The following ZFHX3 variants were observed in gnomAD, a reference collection of about 807,000 sequenced individuals.
The protein encoded by ZFHX3 is zinc finger homeobox 3.
Under a neutral mutation model 279.1 loss-of-function variants are expected in ZFHX3, and 42 were observed. The observed-to-expected ratio is 0.15, with a 90% CI of 0.12 to 0.19. The LOEUF (loss-of-function observed/expected upper bound fraction) is 0.19, where lower values mean the gene tolerates loss of function less well. ZFHX3 is among the 10% of genes least tolerant of loss of function. The pLI is 1.00. For synonymous variants in ZFHX3, 2,293 were observed against 1,957.8 expected (o/e 1.17, Z -4.52); for missense variants, 4,981 against 4,754.0 (o/e 1.05, Z -1.40).
intron 3 of ZFHX3, chr16:73,402,417 T>G (rs2017274514): frequency 6.6e-6 from 1 of 152,250 alleles, no homozygotes; most frequent in Admixed American, 6.5e-5. Flanking sequence ...GATACTTTTG[T>G]AAAATACATA....
At chr16:73,838,586 A>G (rs781048655) in intron 1 of ZFHX3, among the ~76,000 whole-genome samples, 8 of 152,204 alleles carry the variant, frequency 5.3e-5, no homozygotes, top group Non-Finnish European at 7.3e-5. Context: ...GTGTTATTTG[A>G]AAGGTGAGCT....
intron 8 of ZFHX3, among the ~76,000 whole-genome samples, chr16:73,073,622 C>T (rs931576066): frequency 1.3e-5 from 2 of 152,122 alleles, no homozygotes; most frequent in Admixed American, 1.3e-4. Flanking sequence ...CCTCAGCTTC[C>T]CAAGCAGCTG....
chr16:73,730,344 TC>T (rs371811683), intron 1 of ZFHX3, among the ~76,000 whole-genome samples: 27 of 50,014 alleles, frequency 5.4e-4, no homozygotes, highest in African/African-American at 2.5e-3. Flanking sequence ...AATAACACCC[TC>T]CCCTCGCAAA....
chr16:73,137,137 C>G (rs921009851), intron 6 of ZFHX3: 1 of 152,100 alleles, frequency 6.6e-6, no homozygotes, highest in Non-Finnish European at 1.5e-5. Context: ...TTTAAAATAT[C>G]AGAGCTGATG....
intron 1 of ZFHX3, among the ~76,000 whole-genome samples, chr16:73,033,099 G>A (rs1397401324): frequency 6.6e-6 from 1 of 152,040 alleles, no homozygotes. Context: ...CACGCGACAG[G>A]GGAGCAGCCC....
At chr16:72,823,450 T>A (rs755268091) in intron 5 of ZFHX3, among the ~76,000 whole-genome samples, 1 of 152,198 alleles carries the variant, frequency 6.6e-6, no homozygotes, top group Non-Finnish European at 1.5e-5. Context: ...CTCCAAGGAC[T>A]CCTCTGTTGA....
At chr16:73,518,667 T>C (rs1474666334) in intron 2 of ZFHX3, among the ~76,000 whole-genome samples, 2 of 152,150 alleles carry the variant, frequency 1.3e-5, no homozygotes, top group Non-Finnish European at 2.9e-5. Flanking sequence ...TAATAACAAT[T>C]TTGAGCAAAT....
chr16:73,163,283 G>A (rs1156392122), intron 5 of ZFHX3, among the ~76,000 whole-genome samples: 2 of 152,200 alleles, frequency 1.3e-5, no homozygotes, highest in African/African-American at 4.8e-5. Flanking sequence ...ACCTAACAAT[G>A]AGTCCTGTCT....
intron 1 of ZFHX3, among the ~76,000 whole-genome samples, chr16:73,691,342 A>T (rs2053147734): frequency 6.6e-6 from 1 of 152,228 alleles, no homozygotes; most frequent in African/African-American, 2.4e-5. Context: ...AAACAAGATT[A>T]TAGTACTGCT....
At chr16:73,350,058 G>T (rs989842595) in intron 3 of ZFHX3, among the ~76,000 whole-genome samples, 19 of 151,826 alleles carry the variant, frequency 1.3e-4, no homozygotes, top group African/African-American at 4.6e-4. Flanking sequence ...TGTAGGGAAA[G>T]TCACCTTTCT....
chr16:73,623,365 AT>A (rs534706829), intron 2 of ZFHX3, among the ~76,000 whole-genome samples: 4 of 151,438 alleles, frequency 2.6e-5, no homozygotes, highest in South Asian at 2.1e-4. Context: ...AGTGCAACAT[AT>A]TTTTTTTTCC....
intron 4 of ZFHX3, among the ~76,000 whole-genome samples, chr16:72,877,232 T>C (rs2038336609): frequency 6.6e-6 from 1 of 152,166 alleles, no homozygotes; most frequent in Admixed American, 6.5e-5. Context: ...GGCCTGTCTG[T>C]CCAAGGCCAG....
chr16:72,799,736 G>A (rs2036038859), intron 8 of ZFHX3, among the ~76,000 whole-genome samples: 1 of 152,206 alleles, frequency 6.6e-6, no homozygotes, highest in Non-Finnish European at 1.5e-5. Flanking sequence ...CCTACTGACT[G>A]AGTCTCTGGT....
At chr16:73,694,284 C>T (rs1044076330) in intron 1 of ZFHX3, among the ~76,000 whole-genome samples, 1 of 152,178 alleles carries the variant, frequency 6.6e-6, no homozygotes, top group Non-Finnish European at 1.5e-5. Context: ...GATCACACCA[C>T]TGCATTCCAG....
intron 5 of ZFHX3, among the ~76,000 whole-genome samples, chr16:73,251,388 A>G (rs1039143248): frequency 1.2e-4 from 18 of 152,240 alleles, no homozygotes; most frequent in African/African-American, 4.1e-4. Context: ...GAGCACTGTT[A>G]GGGGCCAAGC....
chr16:73,412,927 G>A (rs2017499345), intron 3 of ZFHX3, among the ~76,000 whole-genome samples: 2 of 152,182 alleles, frequency 1.3e-5, no homozygotes, highest in Non-Finnish European at 2.9e-5. Context: ...CAATAATACA[G>A]ATGCATTTAT....
chr16:73,611,608 G>T (rs2143883769), intron 2 of ZFHX3, among the ~76,000 whole-genome samples: 1 of 152,274 alleles, frequency 6.6e-6, no homozygotes, highest in South Asian at 2.1e-4. Flanking sequence ...TGATTGAAAA[G>T]AAAACACCTC....
At chr16:73,805,664 G>A (rs8048605) in intron 1 of ZFHX3, among the ~76,000 whole-genome samples, 1 of 152,182 alleles carries the variant, frequency 6.6e-6, no homozygotes, top group Non-Finnish European at 1.5e-5. Context: ...TGATGTACAG[G>A]GCACTGCCCT....
chr16:72,794,017 G>A lies in ZFHX3; in HGVS notation c.8665C>T (p.Arg2889Trp), dbSNP rs758610922. 35 of 1,614,066 alleles carry A rather than the reference G, an allele frequency of 2.2e-5. No individual in the cohort carries two copies. The highest frequency in any genetic ancestry group is 2.6e-5 in the Non-Finnish European group (31 of 1,180,044). ...GGGCTGACCAGACCAGATGACAACC[G>A]ATCTTCATACTCAGACATTGCCATC... Reference protein sequence around the residue: ...AMMAMSEYEDRLSSGLVSPAP... With the variant: ...AMMAMSEYEDWLSSGLVSPAP... Residue 2889 changes from arginine to tryptophan, a missense_variant, in exon 9 of 10, where the codon CGG becomes TGG. Arg to Trp is a moderately radical substitution (Grantham distance 101). Around this residue, in one of 7 missense-constraint regions of ZFHX3, gnomAD observed 744 missense variants for 701.3 expected, o/e 1.06. Coordinates refer to ENST00000268489, the MANE Select transcript of ZFHX3 (RefSeq NM_006885.4). This position sits in a 1 kb window ranked among gnomAD's most constrained non-coding sequence, Gnocchi z 4.2.
Sources: gnomAD v4.1 joint callset for allele counts (sites outside exome capture counted in the v4.1 genomes callset) on GRCh38, gnomAD v4.1.1 for gene constraint, gnomAD v4.1.1 regional missense constraint, Gnocchi (gnomAD v3.1) non-coding constraint, MANE v1.5 for transcripts, NCBI Gene and HGNC (gene_info 2026-07-23, HGNC 2026-07-21) for gene names.